Variants in TOP1MT observed in about 807,000 individuals in gnomAD.
TOP1MT encodes DNA topoisomerase I, mitochondrial.
A neutral mutation model predicts 73.9 loss-of-function variants in TOP1MT; 80 were observed. The ratio of observed to expected loss-of-function variants is 1.08; its 90% CI spans 0.90 to 1.30. The LOEUF is 1.30. Among genes scored for constraint, TOP1MT ranks in the 50% most tolerant of loss-of-function variants. The pLI is 0.00. For missense variants in TOP1MT, 815 were observed against 808.0 expected (o/e 1.01, Z -0.10); for synonymous variants, 338 against 326.4 (o/e 1.04, Z -0.38).
At chr8:143,323,884 G>A (rs987236707) in intron 7 of TOP1MT, 115 bp downstream of exon 7, 2 of 1,190,662 alleles carry the variant, frequency 1.7e-6, no homozygotes, top group African/African-American at 1.5e-5. Context: ...CCCCCCATCA[G>A]AATGAGGTTC....
intron 7 of TOP1MT, among the ~76,000 whole-genome samples, chr8:143,322,392 A>ACACACACAGGCACGCCACACACGCACGC (rs1816465876): frequency 1.9e-5 from 1 of 52,480 alleles, no homozygotes; most frequent in African/African-American, 3.9e-5. Flanking sequence ...CACGCACGCC[A>ACACACACAGGCACGCCACACACGCACGC]CACACATGCT....
intron 5 of TOP1MT, 85 bp downstream of exon 5, chr8:143,325,261 T>C: frequency 1.6e-6 from 2 of 1,224,694 alleles, no homozygotes; most frequent in Non-Finnish European, 2.2e-6. Context: ...TCGGTGTGCC[T>C]CCCTCTCCCA....
At chr8:143,348,106 C>T (rs961158010), upstream of TOP1MT, among the ~76,000 whole-genome samples, 1 of 152,298 alleles carries the variant, frequency 6.6e-6, no homozygotes, top group African/African-American at 2.4e-5. The surrounding 1 kb of genome is among the most constrained non-coding windows in gnomAD (Gnocchi z 4.6). Context: ...GAAAGTCCTG[C>T]CGCCTAAGCC....
upstream of TOP1MT, among the ~76,000 whole-genome samples, chr8:143,347,827 G>A (rs932510521): frequency 2.0e-5 from 3 of 152,132 alleles, no homozygotes; most frequent in African/African-American, 4.8e-5. Context: ...CGGGACCACC[G>A]CTTTGAGCCC....
At chr8:143,337,882 T>C (rs28581182), upstream of TOP1MT, among the ~76,000 whole-genome samples, 2,966 of 152,308 alleles carry the variant, frequency 0.019, 42 homozygotes, top group African/African-American at 0.037. Flanking sequence ...AGACTTCTTA[T>C]GAGGAAGCAT....
intron 7 of TOP1MT, among the ~76,000 whole-genome samples, chr8:143,323,214 CACAGGCACGCCA>C (rs1563760993): frequency 5.3e-5 from 7 of 132,186 alleles, no homozygotes; most frequent in South Asian, 2.5e-4. Flanking sequence ...AGGCACGCCA[CACAGGCACGCCA>C]CACACAGGCA....
Position 143,325,341 on chromosome 8 carries a change from C to A in TOP1MT, c.671+5G>T, listed in dbSNP as rs143596489. 3.4e-5 allele frequency: 54 copies of A among 1,581,984 alleles called. No individual in the cohort carries two copies. In the African/African-American group the frequency reaches 4.3e-4, roughly 13 times the overall value. On this transcript the variant is annotated splice_donor_5th_base_variant and intron_variant, in intron 5 of 13. Coordinates refer to ENST00000329245, the MANE Select transcript of TOP1MT (RefSeq NM_052963.3). ...TGCCCGCCTGCTGCCCGCCCGGCCACGCACCTGCTGCAGTTGATAACCACA... is the reference window on the plus strand; with the variant it reads ...TGCCCGCCTGCTGCCCGCCCGGCCAAGCACCTGCTGCAGTTGATAACCACA...
intron 2 of TOP1MT, among the ~76,000 whole-genome samples, chr8:143,329,848 G>C (rs1212928852): frequency 6.6e-6 from 1 of 152,192 alleles, no homozygotes; most frequent in Non-Finnish European, 1.5e-5. Flanking sequence ...CTTCAAAGCA[G>C]AAAACTGAAT....
intron 2 of TOP1MT, among the ~76,000 whole-genome samples, chr8:143,330,166 C>T (rs1472602369): frequency 1.3e-5 from 2 of 152,258 alleles, no homozygotes; most frequent in African/African-American, 4.8e-5. Context: ...GGCCCAGAGA[C>T]CAGCAGCACA....
chr8:143,347,300 G>A (rs1817241119), upstream of TOP1MT, among the ~76,000 whole-genome samples: 1 of 152,182 alleles, frequency 6.6e-6, no homozygotes, highest in Admixed American at 6.5e-5. Flanking sequence ...GACTACAGGT[G>A]CCCGCCACCA....
Position 143,321,368 on chromosome 8 carries a change from T to G in TOP1MT, c.979A>C (p.Asn327His), listed in dbSNP as rs537384361. Reference protein sequence around the residue: ...FIDKLALRAGNEKEDGEAADT... With the variant: ...FIDKLALRAGHEKEDGEAADT... ...GCCGCCTCACCGTCCTCCTTCTCAT[T>G]TCCTGCTCTCAGTGCCAGCTAGTTG... Residue 327 changes from asparagine (N) to histidine (H), a missense_variant, in exon 8 of 14, where the codon AAT becomes CAT. Transcript: ENST00000329245. 2.5e-5 allele frequency: 39 copies of G among 1,589,826 alleles called. No individual in the cohort carries two copies. In the African/African-American group the frequency reaches 3.6e-4, roughly 15 times the overall value.
upstream of TOP1MT, among the ~76,000 whole-genome samples, chr8:143,348,855 G>A (rs1341058556): frequency 6.6e-6 from 1 of 152,280 alleles, no homozygotes; most frequent in African/African-American, 2.4e-5. The surrounding 1 kb of genome is among the most constrained non-coding windows in gnomAD (Gnocchi z 4.6). Flanking sequence ...CCTGAGGCAG[G>A]AGCCCAGCCC....
chr8:143,326,659 G>C (rs1356399049), intron 3 of TOP1MT, among the ~76,000 whole-genome samples: 2 of 152,184 alleles, frequency 1.3e-5, no homozygotes, highest in African/African-American at 2.4e-5. Flanking sequence ...ATTCCACTTT[G>C]AGATCCATCC....
At chr8:143,322,076 CCA>C (rs139414863) in intron 7 of TOP1MT, among the ~76,000 whole-genome samples, 1,546 of 52,300 alleles carry the variant, frequency 0.03, 125 homozygotes, top group East Asian at 0.14. Context: ...CACACGCACG[CCA>C]CACACAGGCA....
In TOP1MT at chr8:143,324,012, T is replaced by C. The variant is rs1462430247; in HGVS notation, c.947A>G (p.Tyr316Cys). ...AAGGCCGCATACCTTATCGATGAAA[T>C]ACAGGGCCACCGCCCGCTGTCTCGT... ...MKTRQRAVAL[Y>C]FIDKLALRAG... The change falls in exon 7 of 14, where the codon TAT becomes TGT. Residue 316 changes from tyrosine to cysteine, a missense_variant. This residue lies in a region of TOP1MT where 751 missense variants were observed against 725.4 expected (regional missense o/e 1.04). Transcript: ENST00000329245. 3 of 1,613,598 alleles carry C rather than the reference T, an allele frequency of 1.9e-6. No homozygotes were observed. Among genetic ancestry groups the C allele is most frequent in the Non-Finnish European group, 1.7e-6 (2 of 1,180,022 alleles).
chr8:143,322,365 C>A (rs1816462237), intron 7 of TOP1MT, among the ~76,000 whole-genome samples: 2 of 100,858 alleles, frequency 2.0e-5, no homozygotes, highest in Non-Finnish European at 4.3e-5. Flanking sequence ...GCACGCCACA[C>A]ACACAGGCAC....
upstream of TOP1MT, chr8:143,345,075 A>AT (rs1817196695): frequency 6.6e-6 from 1 of 152,306 alleles, no homozygotes; most frequent in African/African-American, 2.4e-5. Context: ...TCTCTACCTC[A>AT]TCCCAACTCA....
Position 143,322,371 on chromosome 8 carries a change from G to C in TOP1MT, c.961-985C>G, listed in dbSNP as rs1475032396. On this transcript the variant is annotated intron_variant, in intron 7 of 13. Coordinates refer to ENST00000329245, the MANE Select transcript of TOP1MT (RefSeq NM_052963.3). ...GCCACACACGCACGCCACACACACA[G>C]GCACGCCACACACGCACGCCACACA... Among the ~76,000 whole-genome samples, 33 of 29,602 alleles carry C rather than the reference G, an allele frequency of 1.1e-3. 1 individual carries two copies. The highest frequency in any genetic ancestry group is 1.3e-3 in the African/African-American group (12 of 9,122). 19.4% of individuals were successfully genotyped at this position (29,602 alleles called of 152,430 possible). A position where few individuals can be genotyped will look rare whatever the true frequency, so the allele number is the denominator to read the frequency against.
chr8:143,318,814 C>T (rs1816247893), intron 8 of TOP1MT, among the ~76,000 whole-genome samples: 1 of 152,176 alleles, frequency 6.6e-6, no homozygotes, highest in African/African-American at 2.4e-5. Context: ...CCACAGGCAC[C>T]GGGACATGGC....
Sources: gnomAD v4.1 joint callset for allele counts (sites outside exome capture counted in the v4.1 genomes callset) on GRCh38, gnomAD v4.1.1 for gene constraint, gnomAD v4.1.1 regional missense constraint, Gnocchi (gnomAD v3.1) non-coding constraint, MANE v1.5 for transcripts, NCBI Gene and HGNC (gene_info 2026-07-23, HGNC 2026-07-21) for gene names.